Variants in MMP24 observed in about 807,000 individuals in gnomAD.
MMP24 encodes the protein matrix metalloproteinase-24.
Under a neutral mutation model 62.8 loss-of-function variants are expected in MMP24, and 25 were observed. The observed-to-expected ratio is 0.40, with a 90% CI of 0.29 to 0.56. The LOEUF is 0.56. MMP24 is among the 20% of genes least tolerant of loss of function. The pLI is 0.50. For synonymous variants in MMP24, 319 were observed against 350.5 expected (o/e 0.91, Z 1.00); for missense variants, 634 against 853.6 (o/e 0.74, Z 3.21).
intron 1 of MMP24, among the ~76,000 whole-genome samples, chr20:35,240,718 A>G (rs993133259): frequency 6.6e-6 from 1 of 152,158 alleles, no homozygotes; most frequent in Non-Finnish European, 1.5e-5. Flanking sequence ...CTTTCAGTGT[A>G]TTACTAAATC....
At chr20:35,231,858 C>A (rs564316953) in intron 1 of MMP24, among the ~76,000 whole-genome samples, 2 of 152,178 alleles carry the variant, frequency 1.3e-5, no homozygotes, top group African/African-American at 4.8e-5. Flanking sequence ...TTGAGACTAG[C>A]CTGGCCAACA....
At chr20:35,235,912 T>C (rs894674171) in intron 1 of MMP24, among the ~76,000 whole-genome samples, 2 of 152,048 alleles carry the variant, frequency 1.3e-5, no homozygotes, top group Non-Finnish European at 2.9e-5. Context: ...CTCCTGACTG[T>C]GGGCAGAGGC....
At position 35,251,787 on chromosome 20, in the gene MMP24, G is replaced by A. The variant is rs1600787555; in HGVS notation, c.396-118G>A. ...GGTCCATCCAAGCCAGGGTCCCAGA[G>A]TGTAGCTTGAGGATGCACATTGCTT... On this transcript the variant is annotated intron_variant, in intron 2 of 8. Coordinates refer to ENST00000246186, the MANE Select transcript of MMP24 (RefSeq NM_006690.4). The A allele has an allele frequency of 5.2e-6, 4 of 761,930 alleles. No homozygotes were observed. In the East Asian group the frequency reaches 7.7e-5, roughly 15 times the overall value. 47.2% of individuals were successfully genotyped at this position (761,930 alleles called of 1,614,324 possible).
At chr20:35,234,938 T>C (rs946221219) in intron 1 of MMP24, among the ~76,000 whole-genome samples, 2 of 152,190 alleles carry the variant, frequency 1.3e-5, no homozygotes, top group Non-Finnish European at 2.9e-5. Context: ...AAAGGTGCAT[T>C]GGCATCACAT....
chr20:35,263,747 T>G (rs748445763), intron 4 of MMP24, 44 bp from the exon 5 acceptor site: 32 of 1,452,668 alleles, frequency 2.2e-5, no homozygotes, highest in Non-Finnish European at 2.8e-5. Context: ...CCGACTCATA[T>G]CTAAGCAGGT....
At chr20:35,231,969 G>A (rs1196604639) in intron 1 of MMP24, among the ~76,000 whole-genome samples, 1 of 152,120 alleles carries the variant, frequency 6.6e-6, no homozygotes, top group Non-Finnish European at 1.5e-5. Context: ...CTTGAACCCC[G>A]GGGGCAGAGG....
At chr20:35,241,014 A>T (rs2060485909) in intron 1 of MMP24, among the ~76,000 whole-genome samples, 1 of 152,218 alleles carries the variant, frequency 6.6e-6, no homozygotes, top group Non-Finnish European at 1.5e-5. Flanking sequence ...GGAAGATTTA[A>T]CAAAGGAGGT....
Position 35,274,221 on chromosome 20 carries a change from G to A in MMP24, c.1601-51G>A. The A allele has an allele frequency of 5.9e-6, 9 of 1,519,626 alleles. No individual in the cohort carries two copies. Among genetic ancestry groups the A allele is most frequent in the Non-Finnish European group, 8.0e-6 (9 of 1,120,820 alleles). 94.1% of individuals were successfully genotyped at this position (1,519,626 alleles called of 1,614,324 possible). On this transcript the variant is annotated intron_variant, in intron 8 of 8. Coordinates refer to ENST00000246186, the MANE Select transcript of MMP24 (RefSeq NM_006690.4). The surrounding 1 kb of genome is among the most constrained non-coding windows in gnomAD (Gnocchi z 5.1). ...GCCCTCCTTTTCACACTGCCCCAGA[G>A]CAGGTGCCGGAAGTGTCTGGGAGTG...
Position 35,267,323 on chromosome 20 carries a change from CG to C in MMP24, c.1102del (p.Asp368ThrfsTer87), listed in dbSNP as rs1568620554. The C allele has an allele frequency of 3.8e-6, 6 of 1,589,506 alleles. No individual in the cohort carries two copies. Among genetic ancestry groups the C allele is most frequent in the Non-Finnish European group, 5.1e-6 (6 of 1,168,796 alleles). ...AGCCCAGGCCCCCTCGGCCGCCCCTCGGGGACCGGCCATCCACACCAGGCAC... is the reference window on the plus strand; with the variant it reads ...AGCCCAGGCCCCCTCGGCCGCCCCTCGGGACCGGCCATCCACACCAGGCAC... ...RQPRPPRPPL[G>X]DRPSTPGTKP... On this transcript the variant is annotated frameshift_variant, in exon 6 of 9. Coordinates refer to ENST00000246186, the MANE Select transcript of MMP24 (RefSeq NM_006690.4). LOFTEE classifies it high-confidence loss of function.
intron 1 of MMP24, among the ~76,000 whole-genome samples, chr20:35,238,187 T>C (rs2060472780): frequency 6.6e-6 from 1 of 152,200 alleles, no homozygotes; most frequent in Non-Finnish European, 1.5e-5. Flanking sequence ...CCAGTGCTAA[T>C]AGAAGACTTT....
At chr20:35,244,398 G>A (rs1467491868) in intron 1 of MMP24, among the ~76,000 whole-genome samples, 2 of 151,938 alleles carry the variant, frequency 1.3e-5, no homozygotes, top group Non-Finnish European at 2.9e-5. Flanking sequence ...GTACTCTTGT[G>A]TCCCTGGGTC....
chr20:35,237,955 C>A lies in MMP24; in HGVS notation c.247-8885C>A, dbSNP rs569915794. Among the ~76,000 whole-genome samples, 11 of 152,196 alleles carry A rather than the reference C, an allele frequency of 7.2e-5. No individual in the cohort carries two copies. In the South Asian group the frequency reaches 1.9e-3, roughly 26 times the overall value. On this transcript the variant is annotated intron_variant, in intron 1 of 8. Transcript: ENST00000246186. ...AGAGAGAGAAACTGAGGGAAAAAAC[C>A]CAGTTGTAAGCATTAAGCCAATATA...
rs775796341 is a variant in MMP24 at position 35,251,969 on chromosome 20, A to C, written c.460A>C (p.Lys154Gln). 1 of 1,613,908 alleles carries C rather than the reference A, an allele frequency of 6.2e-7. No individual in the cohort carries two copies. Residue 154 changes from lysine to glutamine, a missense_variant, in exon 3 of 9, where the codon AAG (lysine) becomes CAG (glutamine). Transcript: ENST00000246186. ...HPHLSRRRRN[K>Q]RYALTGQKWR... ...CCACTTAAGCCGTAGGCGGAGAAAC[A>C]AGCGCTATGCCCTGACTGGACAGAA...
At chr20:35,252,976 GGT>G (rs1221566515) in intron 3 of MMP24, among the ~76,000 whole-genome samples, 1 of 60,598 alleles carries the variant, frequency 1.7e-5, no homozygotes, top group Non-Finnish European at 3.2e-5. Flanking sequence ...GGCAGGCTCA[GGT>G]GGGGCTGGGG....
rs1248347639 is a variant in MMP24, at chr20:35,269,013, C to G, written c.1195-747C>G. Among the ~76,000 whole-genome samples the G allele has an allele frequency of 7.3e-6, 1 of 137,368 alleles. No homozygotes were observed. Among genetic ancestry groups the G allele is most frequent in the African/African-American group, 2.8e-5 (1 of 35,944 alleles). 90.1% of individuals were successfully genotyped at this position (137,368 alleles called of 152,430 possible). On this transcript the variant is annotated intron_variant, in intron 6 of 8. Coordinates refer to ENST00000246186, the MANE Select transcript of MMP24 (RefSeq NM_006690.4). The surrounding 1 kb of genome is among the most constrained non-coding windows in gnomAD (Gnocchi z 4.6). The stretch of plus-strand genomic sequence containing the variant: ...CTGCACTCCAGCCTGGGTGACAGAG[C>G]GAGACTCCATCTAAAAAAAAAAAAA...
Position 35,271,549 on chromosome 20 carries a change from T to G in MMP24, c.1334-20T>G. ...ACTGAGTGACTGGGGAAGCTGATCC[T>G]GGGCTCCTCTTGGCCACAGGTGACA... is the stretch of plus-strand genomic sequence containing the variant. On this transcript the variant is annotated intron_variant, in intron 7 of 8. Coordinates refer to ENST00000246186, the MANE Select transcript of MMP24 (RefSeq NM_006690.4). The surrounding 1 kb of genome is among the most constrained non-coding windows in gnomAD (Gnocchi z 4.0). 6.2e-7 allele frequency: 1 copy of G among 1,606,204 alleles called. No homozygotes were observed. Among genetic ancestry groups the G allele is most frequent in the South Asian group, 1.1e-5 (1 of 90,264 alleles).
chr20:35,266,600 AAG>A (rs1419015283), intron 5 of MMP24, among the ~76,000 whole-genome samples: 2 of 152,128 alleles, frequency 1.3e-5, no homozygotes, highest in Non-Finnish European at 2.9e-5. Flanking sequence ...GAGGACAACC[AAG>A]AGAGTGTTTC....
intron 1 of MMP24, among the ~76,000 whole-genome samples, chr20:35,232,326 T>C (rs542130887): frequency 7.2e-5 from 11 of 152,322 alleles, no homozygotes; most frequent in African/African-American, 1.9e-4. Context: ...CCACAGCCAA[T>C]ATCTCCTCAG....
At chr20:35,250,848 G>A (rs2060541407) in intron 2 of MMP24, among the ~76,000 whole-genome samples, 1 of 152,144 alleles carries the variant, frequency 6.6e-6, no homozygotes, top group Non-Finnish European at 1.5e-5. Flanking sequence ...AAGTCTGCCT[G>A]CATGGCCCAA....
Sources: gnomAD v4.1 joint callset for allele counts (sites outside exome capture counted in the v4.1 genomes callset) on GRCh38, gnomAD v4.1.1 for gene constraint, Gnocchi (gnomAD v3.1) non-coding constraint, MANE v1.5 for transcripts, NCBI Gene and HGNC (gene_info 2026-07-23, HGNC 2026-07-21) for gene names.